Variants in KIF13B observed in about 807,000 individuals in gnomAD.
The protein encoded by KIF13B is kinesin family member 13B, also known as kinesin-like protein KIF13B.
KIF13B carries 127 observed loss-of-function variants against 222.0 expected under a neutral mutation model. That is an observed-to-expected ratio of 0.57 (90% CI 0.50 to 0.66). The LOEUF (loss-of-function observed/expected upper bound fraction) is 0.66. Among genes scored for constraint, KIF13B ranks in the 30% least tolerant of loss-of-function variants. The pLI is 0.00. For synonymous variants in KIF13B, 976 were observed against 919.0 expected (o/e 1.06, Z -1.12); for missense variants, 2,173 against 2,379.0 (o/e 0.91, Z 1.80).
chr8:29,095,638 A>G (rs565137598), intron 36 of KIF13B, among the ~76,000 whole-genome samples: 3 of 152,222 alleles, frequency 2.0e-5, no homozygotes, highest in Admixed American at 1.3e-4. Flanking sequence ...GTGGTGGCAC[A>G]TGCCTGTAAT....
In KIF13B at chr8:29,142,068, G is replaced by A. The variant is rs1054949092; in HGVS notation, c.2334+89C>T. On this transcript the variant is annotated intron_variant, in intron 19 of 39. Coordinates refer to ENST00000524189, the MANE Select transcript of KIF13B (RefSeq NM_015254.4). The stretch of plus-strand genomic sequence containing the variant: ...AAATAGGATTATAATTTTGGAAAAA[G>A]AACAATTTTCCCCTGAAATGGGTAG... The A allele has an allele frequency of 1.1e-5, 12 of 1,055,652 alleles. No homozygotes were observed. The South Asian group carries it at 2.0e-4, about 18-fold the overall frequency. The allele number at this position is 1,055,652 out of a possible 1,614,324, so 65.4% of individuals were successfully genotyped here.
Position 29,123,138 on chromosome 8 carries a change from T to G in KIF13B, c.3479+228A>C, listed in dbSNP as rs1248766902. Among the ~76,000 whole-genome samples, 7 of 152,254 alleles carry G rather than the reference T, an allele frequency of 4.6e-5. 1 individual carries two copies. The highest frequency in any genetic ancestry group is 4.6e-4 in the Admixed American group (7 of 15,286). On this transcript the variant is annotated intron_variant, in intron 28 of 39. Coordinates refer to ENST00000524189, the MANE Select transcript of KIF13B (RefSeq NM_015254.4). The stretch of plus-strand genomic sequence containing the variant: ...AGTGGTATTAAATATTGATTTAAGT[T>G]CTCAGAAATCTTAATGACTTTGGCC...
At chr8:29,252,235 T>C (rs1816312804) in intron 1 of KIF13B, among the ~76,000 whole-genome samples, 1 of 152,216 alleles carries the variant, frequency 6.6e-6, no homozygotes, top group Admixed American at 6.5e-5. Flanking sequence ...TTAGTCACCT[T>C]GTAAAAGTGA....
intron 2 of KIF13B, among the ~76,000 whole-genome samples, chr8:29,213,623 T>C (rs2124419): frequency 5.3e-5 from 8 of 152,182 alleles, no homozygotes; most frequent in Non-Finnish European, 1.2e-4. Context: ...TGGAGGCAAC[T>C]GTAACACAAT....
intron 2 of KIF13B, among the ~76,000 whole-genome samples, chr8:29,210,815 A>G (rs1453005937): frequency 6.6e-6 from 1 of 152,248 alleles, no homozygotes; most frequent in East Asian, 1.9e-4. Flanking sequence ...AGTAGAGCAC[A>G]AAGAACACAA....
chr8:29,230,659 A>T (rs1423221345), intron 2 of KIF13B, among the ~76,000 whole-genome samples: 2 of 152,214 alleles, frequency 1.3e-5, no homozygotes, highest in African/African-American at 4.8e-5. Flanking sequence ...GAGCACGTGA[A>T]GCTGGCGTGA....
chr8:29,075,366 C>A, intron 37 of KIF13B, 23 bp from the exon 38 acceptor site: 1 of 1,551,502 alleles, frequency 6.4e-7, no homozygotes, highest in Non-Finnish European at 8.7e-7. Flanking sequence ...GTGTGCAGGT[C>A]AGGGGTCGAG....
At chr8:29,107,395 G>T (rs1809123140) in intron 35 of KIF13B, among the ~76,000 whole-genome samples, 1 of 151,854 alleles carries the variant, frequency 6.6e-6, no homozygotes, top group Admixed American at 6.6e-5. Context: ...GGGTGTGGTG[G>T]CATGCACCTG....
chr8:29,255,810 G>A (rs148252771), intron 1 of KIF13B, among the ~76,000 whole-genome samples: 30 of 152,108 alleles, frequency 2.0e-4, no homozygotes, highest in Non-Finnish European at 2.9e-4. Context: ...TTAATCACGC[G>A]GCCATTCCTG....
intron 37 of KIF13B, among the ~76,000 whole-genome samples, chr8:29,078,282 T>C (rs866950183): frequency 2.3e-5 from 3 of 129,460 alleles, no homozygotes; most frequent in East Asian, 4.3e-4. Flanking sequence ...TGGCCAACAA[T>C]AGCAAAACTC....
intron 21 of KIF13B, among the ~76,000 whole-genome samples, chr8:29,135,330 C>A (rs1223337360): frequency 6.6e-6 from 1 of 152,114 alleles, no homozygotes; most frequent in Non-Finnish European, 1.5e-5. Flanking sequence ...TAGACATGAG[C>A]CACGATGCCT....
rs1384660537 is a variant in KIF13B, at chr8:29,191,045, C to T, written c.175G>A (p.Asp59Asn). 1.2e-6 allele frequency: 2 copies of T among 1,610,010 alleles called. No individual in the cohort carries two copies. Among genetic ancestry groups the T allele is most frequent in the East Asian group, 4.5e-5 (2 of 44,812 alleles). Residue 59 changes from aspartate to asparagine, a missense_variant, in exon 4 of 40, where the codon GAT becomes AAT. By Grantham distance (23) the Asp-to-Asn change is conservative (BLOSUM62 1). Transcript: ENST00000524189. ...ARGQPKVFAY[D>N]HCFWSMDESV... is the part of the protein sequence containing the mutation. The stretch of plus-strand genomic sequence containing the variant: ...TCATCCATAGACCAGAAACAATGAT[C>T]ATAAGCAAACACCTGTTGAAAATGA...
At chr8:29,140,030 T>A (rs960441227) in intron 21 of KIF13B, 33 bp downstream of exon 21, 1 of 1,533,074 alleles carries the variant, frequency 6.5e-7, no homozygotes, top group Non-Finnish European at 8.8e-7. Flanking sequence ...GACTTTTGTA[T>A]CAACGTAATA....
intron 35 of KIF13B, among the ~76,000 whole-genome samples, chr8:29,106,937 C>T (rs1388779025): frequency 6.6e-6 from 1 of 152,202 alleles, no homozygotes; most frequent in African/African-American, 2.4e-5. Flanking sequence ...ATGCTGCACA[C>T]AGATGGCAGT....
At chr8:29,139,653 G>A (rs371862171) in intron 21 of KIF13B, among the ~76,000 whole-genome samples, 1 of 152,158 alleles carries the variant, frequency 6.6e-6, no homozygotes, top group Non-Finnish European at 1.5e-5. Flanking sequence ...AAGAGGACTG[G>A]TTCTAGGATG....
rs1298097308 is a variant in KIF13B at position 29,116,506 on chromosome 8, A to G, written c.3837+325T>C. On this transcript the variant is annotated intron_variant, in intron 31 of 39. Coordinates refer to ENST00000524189, the MANE Select transcript of KIF13B (RefSeq NM_015254.4). The stretch of plus-strand genomic sequence containing the variant: ...CTGGAAAGAGCAGAGTAAGAGGGAA[A>G]CTCCTCATTTGACAGGGCCCAGATG... Among the ~76,000 whole-genome samples the G allele has an allele frequency of 2.6e-5, 4 of 150,998 alleles. No individual in the cohort carries two copies. In the East Asian group the frequency reaches 7.8e-4, roughly 29 times the overall value.
intron 1 of KIF13B, among the ~76,000 whole-genome samples, chr8:29,255,541 T>C (rs747020833): frequency 2.6e-5 from 4 of 152,068 alleles, no homozygotes; most frequent in Non-Finnish European, 4.4e-5. Flanking sequence ...GCTCTATCTA[T>C]ACAAGGTTCA....
chr8:29,191,539 T>A (rs187188897), intron 3 of KIF13B, among the ~76,000 whole-genome samples: 1 of 152,254 alleles, frequency 6.6e-6, no homozygotes, highest in African/African-American at 2.4e-5. Flanking sequence ...TATAGAAGAC[T>A]TACTAATTTA....
At chr8:29,191,175 T>C (rs1037543416) in intron 3 of KIF13B, 118 bp from the exon 4 acceptor site, 2 of 723,160 alleles carry the variant, frequency 2.8e-6, no homozygotes, top group Admixed American at 2.5e-5. Flanking sequence ...CAATGGGAAT[T>C]AATTATGTAT....
Sources: allele counts gnomAD v4.1 joint callset (sites outside exome capture counted in the v4.1 genomes callset), GRCh38; gene constraint gnomAD v4.1.1; transcripts MANE v1.5; gene names NCBI Gene and HGNC (gene_info 2026-07-23, HGNC 2026-07-21).